SYNPR: variants seen among roughly 807,000 people sequenced by gnomAD.
The protein encoded by SYNPR is synaptoporin.
In SYNPR, 23 loss-of-function variants were observed where a neutral mutation model predicts 32.9. The ratio of observed to expected loss-of-function variants is 0.70; its 90% CI spans 0.50 to 0.99. The LOEUF is 0.99. SYNPR is among the 50% of genes least tolerant of loss of function. The probability of loss-of-function intolerance (pLI) is 0.00; values close to 1 mark genes in which losing one functional copy is unlikely to be tolerated. For missense variants in SYNPR, 318 were observed against 349.3 expected, an observed-to-expected ratio of 0.91 and a Z score of 0.71; for synonymous variants, 146 against 135.9, an observed-to-expected ratio of 1.07 and a Z score of -0.52.
chr3:63,239,230 C>A (rs1170409916), intron 1 of SYNPR, among the ~76,000 whole-genome samples: 2 of 137,642 alleles, frequency 1.5e-5, no homozygotes, highest in East Asian at 4.0e-4. Flanking sequence ...TTTCTTGACC[C>A]TTGACTAGTA....
chr3:63,337,639 A>T (rs1020660355), intron 2 of SYNPR, among the ~76,000 whole-genome samples: 30 of 152,248 alleles, frequency 2.0e-4, no homozygotes, highest in African/African-American at 7.2e-4. Flanking sequence ...GAATGGATAA[A>T]CAAACTGTGG....
chr3:63,265,534 G>T (rs999498486), intron 2 of SYNPR, among the ~76,000 whole-genome samples: 1 of 152,192 alleles, frequency 6.6e-6, no homozygotes, highest in Admixed American at 6.5e-5. Context: ...TTACAGGCGT[G>T]AGCCACTGCG....
At chr3:63,455,603 C>T (rs1029291963) in intron 2 of SYNPR, among the ~76,000 whole-genome samples, 23 of 152,172 alleles carry the variant, frequency 1.5e-4, no homozygotes, top group South Asian at 4.1e-4. Context: ...CATTTCCTAA[C>T]GTATGTGGCT....
intron 2 of SYNPR, among the ~76,000 whole-genome samples, chr3:63,352,443 A>G (rs950092432): frequency 6.6e-5 from 10 of 152,116 alleles, no homozygotes; most frequent in African/African-American, 1.7e-4. Flanking sequence ...TCCACAGATC[A>G]CCTCTTGGGA....
At chr3:63,614,705 G>T (rs182796231) in intron 5 of SYNPR, among the ~76,000 whole-genome samples, 2 of 152,240 alleles carry the variant, frequency 1.3e-5, no homozygotes, top group East Asian at 3.9e-4. Flanking sequence ...AAATGGAAAA[G>T]CAAAAGCAGT....
the SYNPR span, among the ~76,000 whole-genome samples, chr3:63,222,011 A>AT: frequency 0.017 from 935 of 56,342 alleles, 130 homozygotes; most frequent in Middle Eastern, 0.025. Flanking sequence ...GCCATGCTCA[A>AT]TTTTTTTTTT....
intron 3 of SYNPR, among the ~76,000 whole-genome samples, chr3:63,482,524 G>A (rs375331869): frequency 3.3e-5 from 5 of 152,010 alleles, no homozygotes; most frequent in East Asian, 1.9e-4. Flanking sequence ...ACTCCCCACC[G>A]TACAGCCCCT....
intron 2 of SYNPR, among the ~76,000 whole-genome samples, chr3:63,413,363 T>G (rs1575631698): frequency 6.6e-6 from 1 of 152,208 alleles, no homozygotes; most frequent in Admixed American, 6.5e-5. Context: ...AACAGGCCAA[T>G]GAGACTATTA....
chr3:63,305,818 C>G (rs990810022), intron 2 of SYNPR, among the ~76,000 whole-genome samples: 3 of 151,972 alleles, frequency 2.0e-5, no homozygotes, highest in African/African-American at 7.2e-5. Flanking sequence ...GATAACTTAT[C>G]CTGGATTGCC....
At chr3:63,392,996 C>T (rs904386852) in intron 2 of SYNPR, among the ~76,000 whole-genome samples, 9 of 152,170 alleles carry the variant, frequency 5.9e-5, no homozygotes, top group Middle Eastern at 3.4e-3. Flanking sequence ...TACCTATGGC[C>T]GTGGAAAACT....
intron 2 of SYNPR, among the ~76,000 whole-genome samples, chr3:63,473,212 C>T (rs891975762): frequency 6.6e-6 from 1 of 152,142 alleles, no homozygotes; most frequent in African/African-American, 2.4e-5. Flanking sequence ...GCTTAGCTAT[C>T]CATTCCTCCA....
chr3:63,595,773 T>A (rs1395381852), intron 4 of SYNPR, among the ~76,000 whole-genome samples: 10 of 50,574 alleles, frequency 2.0e-4, no homozygotes, highest in East Asian at 7.3e-4. Flanking sequence ...ATATATAATT[T>A]TATATATATA....
At chr3:63,565,296 G>C (rs144800832) in intron 4 of SYNPR, among the ~76,000 whole-genome samples, 1 of 152,192 alleles carries the variant, frequency 6.6e-6, no homozygotes, top group East Asian at 1.9e-4. Flanking sequence ...AAATACCTGA[G>C]ACTGGGTAAT....
At chr3:63,601,834 T>G (rs1210103010) in intron 4 of SYNPR, among the ~76,000 whole-genome samples, 1 of 152,196 alleles carries the variant, frequency 6.6e-6, no homozygotes, top group Non-Finnish European at 1.5e-5. Flanking sequence ...TTATACTCCT[T>G]TGGGTATATA....
chr3:63,355,075 T>G (rs935636591), intron 2 of SYNPR, among the ~76,000 whole-genome samples: 1 of 152,048 alleles, frequency 6.6e-6, no homozygotes, highest in Non-Finnish European at 1.5e-5. Context: ...TGTCAGGAGT[T>G]CAAAACCAGC....
intron 1 of SYNPR, among the ~76,000 whole-genome samples, chr3:63,251,061 A>G (rs1428763147): frequency 6.6e-6 from 1 of 152,166 alleles, no homozygotes; most frequent in Non-Finnish European, 1.5e-5. Flanking sequence ...GACAGAAAGG[A>G]AAAATTTACT....
intron 2 of SYNPR, chr3:63,443,121 G>T: frequency 8.9e-7 from 1 of 1,127,906 alleles, no homozygotes; most frequent in South Asian, 2.8e-5. Context: ...GCCAAGTGTG[G>T]GAGCTCACCA....
upstream of SYNPR, among the ~76,000 whole-genome samples, chr3:63,276,315 C>T (rs1029071926): frequency 6.6e-6 from 1 of 152,120 alleles, no homozygotes; most frequent in Non-Finnish European, 1.5e-5. Context: ...CTGTTGAGGG[C>T]AGCAGGACAT....
intron 3 of SYNPR, among the ~76,000 whole-genome samples, chr3:63,535,287 A>G (rs975020309): frequency 3.3e-5 from 5 of 152,168 alleles, no homozygotes; most frequent in Non-Finnish European, 5.9e-5. Context: ...TTATATTGTG[A>G]TACTAAAAAT....
Sources: gnomAD v4.1 joint callset for allele counts (sites outside exome capture counted in the v4.1 genomes callset) on GRCh38, gnomAD v4.1.1 for gene constraint, MANE v1.5 for transcripts, NCBI Gene and HGNC (gene_info 2026-07-23, HGNC 2026-07-21) for gene names.